The following NOL4 variants were observed in gnomAD, a reference collection of about 807,000 sequenced individuals.
NOL4 encodes nucleolar protein 4, also known as cancer/testis antigen 125.
Under a neutral mutation model 75.9 loss-of-function variants are expected in NOL4, and 17 were observed. The ratio of observed to expected loss-of-function variants is 0.22; its 90% CI spans 0.15 to 0.34. The LOEUF (loss-of-function observed/expected upper bound fraction) is 0.34, where lower values mean the gene tolerates loss of function less well. Ranked by LOEUF, NOL4 falls within the 10% of genes least tolerant of loss-of-function variation. NOL4 has a pLI of 1.00. For synonymous variants in NOL4, 292 were observed against 289.9 expected, an observed-to-expected ratio of 1.01 and a Z score of -0.07; for missense variants, 614 against 793.5, an observed-to-expected ratio of 0.77 and a Z score of 2.72.
chr18:33,991,313 C>T (rs1339600813), intron 6 of NOL4, among the ~76,000 whole-genome samples: 1 of 151,986 alleles, frequency 6.6e-6, no homozygotes, highest in African/African-American at 2.4e-5. Flanking sequence ...ATCCACCCAA[C>T]TGAAACTTTA....
intron 9 of NOL4, among the ~76,000 whole-genome samples, chr18:33,908,580 A>G (rs2066207125): frequency 6.6e-6 from 1 of 152,182 alleles, no homozygotes; most frequent in Non-Finnish European, 1.5e-5. Flanking sequence ...TAAAGTTTAT[A>G]GGTTATTATA....
chr18:34,114,137 T>G (rs1256744664), intron 2 of NOL4, among the ~76,000 whole-genome samples: 1 of 152,230 alleles, frequency 6.6e-6, no homozygotes, highest in Non-Finnish European at 1.5e-5. Context: ...ATAAATGTCA[T>G]AAATGTCTTG....
intron 1 of NOL4, among the ~76,000 whole-genome samples, chr18:34,194,043 A>G (rs1203012186): frequency 6.6e-6 from 1 of 152,122 alleles, no homozygotes. Flanking sequence ...AGAAGAAGAG[A>G]ATAGAATGGT....
intron 9 of NOL4, among the ~76,000 whole-genome samples, chr18:33,940,202 G>A (rs890624568): frequency 8.6e-5 from 13 of 151,958 alleles, no homozygotes; most frequent in African/African-American, 2.7e-4. Flanking sequence ...CCATTATTGG[G>A]TATATACCCA....
chr18:34,010,536 G>A lies in NOL4; in HGVS notation c.1056+8782C>T, dbSNP rs146657588. ...TATAACATACAATTTATAAAAATAC[G>A]ATTTATAACTAACCAGATTATTTAC... On this transcript the variant is annotated intron_variant, in intron 6 of 10. Coordinates refer to ENST00000261592, the MANE Select transcript of NOL4 (RefSeq NM_003787.5). 8.6e-3 allele frequency among the ~76,000 whole-genome samples: 1,307 copies of A among 151,914 alleles called. 18 individuals are homozygous for A. The highest frequency in any genetic ancestry group is 0.03 in the African/African-American group (1,228 of 41,478).
In NOL4 at chr18:34,125,256, G is replaced by A. The variant is rs2080333005; in HGVS notation, c.414+4615C>T. The stretch of plus-strand genomic sequence containing the variant: ...AGACTTCCTGGCATGAATCAAAAAG[G>A]TATGTAGATAAACCCCTATTTCAAT... On this transcript the variant is annotated intron_variant, in intron 2 of 10. Coordinates refer to ENST00000261592, the MANE Select transcript of NOL4 (RefSeq NM_003787.5). 3.3e-5 allele frequency among the ~76,000 whole-genome samples: 5 copies of A among 152,136 alleles called. No homozygotes were observed. In the South Asian group the frequency reaches 1.0e-3, roughly 31 times the overall value.
intron 5 of NOL4, among the ~76,000 whole-genome samples, chr18:34,070,512 C>A (rs2145246199): frequency 6.6e-6 from 1 of 152,186 alleles, no homozygotes; most frequent in South Asian, 2.1e-4. Flanking sequence ...AGAATGATGT[C>A]TGACTGCACA....
chr18:34,216,871 G>A (rs2036925530), intron 1 of NOL4, among the ~76,000 whole-genome samples: 1 of 151,792 alleles, frequency 6.6e-6, no homozygotes, highest in African/African-American at 2.4e-5. Flanking sequence ...TTATCTATTA[G>A]CAATTCATTA....
chr18:33,874,993 G>C (rs1298228054), intron 10 of NOL4, among the ~76,000 whole-genome samples: 2 of 152,008 alleles, frequency 1.3e-5, no homozygotes, highest in East Asian at 1.9e-4. Context: ...ACAAATGTTA[G>C]TGATTATGGT....
At chr18:34,222,185 G>C in intron 1 of NOL4, 1 of 1,470,348 alleles carries the variant, frequency 6.8e-7, no homozygotes, top group Middle Eastern at 2.1e-4. Flanking sequence ...CCAGTGCCTC[G>C]CGGCGCCTGG....
intron 9 of NOL4, among the ~76,000 whole-genome samples, chr18:33,921,766 T>C (rs2067054284): frequency 6.6e-6 from 1 of 152,186 alleles, no homozygotes; most frequent in Non-Finnish European, 1.5e-5. Flanking sequence ...ATCACTGAGT[T>C]TGTGGTACTT....
intron 1 of NOL4, among the ~76,000 whole-genome samples, chr18:34,137,447 A>T (rs1418254200): frequency 1.3e-5 from 2 of 152,204 alleles, no homozygotes; most frequent in African/African-American, 4.8e-5. Context: ...TAGAAAGTCA[A>T]ATAACCCAAT....
At chr18:34,105,690 A>G (rs1037331691) in intron 2 of NOL4, among the ~76,000 whole-genome samples, 1 of 151,996 alleles carries the variant, frequency 6.6e-6, no homozygotes, top group East Asian at 1.9e-4. Flanking sequence ...ACTGCAGTGA[A>G]TCATCCCTTC....
chr18:33,921,375 A>C (rs544138337), intron 9 of NOL4, among the ~76,000 whole-genome samples: 1 of 152,290 alleles, frequency 6.6e-6, no homozygotes, highest in South Asian at 2.1e-4. Flanking sequence ...TGAATTGTGG[A>C]GGGTGCAAAG....
intron 6 of NOL4, among the ~76,000 whole-genome samples, chr18:33,972,118 C>T (rs1411678169): frequency 6.7e-6 from 1 of 150,104 alleles, no homozygotes; most frequent in Non-Finnish European, 1.5e-5. Flanking sequence ...GAGCTGAGAT[C>T]ATGCCACTGC....
At chr18:34,024,511 T>C (rs1424957618) in intron 5 of NOL4, among the ~76,000 whole-genome samples, 1 of 151,952 alleles carries the variant, frequency 6.6e-6, no homozygotes, top group African/African-American at 2.4e-5. Context: ...TAAGTGCAAC[T>C]CTCCTTTACC....
intron 1 of NOL4, among the ~76,000 whole-genome samples, chr18:34,179,818 C>T (rs1395985223): frequency 6.6e-6 from 1 of 151,470 alleles, no homozygotes; most frequent in East Asian, 1.9e-4. Context: ...ATTAAATCTT[C>T]CAGTGATTTG....
intron 2 of NOL4, among the ~76,000 whole-genome samples, chr18:34,118,393 G>A (rs181768819): frequency 2.3e-3 from 353 of 152,012 alleles, no homozygotes; most frequent in African/African-American, 8.0e-3. Flanking sequence ...CAAACCCTCT[G>A]CAATATATGT....
intron 1 of NOL4, among the ~76,000 whole-genome samples, chr18:34,178,554 T>G (rs1374052423): frequency 6.6e-6 from 1 of 151,402 alleles, no homozygotes; most frequent in Non-Finnish European, 1.5e-5. Context: ...AGTGGAGAGG[T>G]TATAAAAATA....
Sources: allele counts gnomAD v4.1 joint callset (sites outside exome capture counted in the v4.1 genomes callset), GRCh38; gene constraint gnomAD v4.1.1; transcripts MANE v1.5; gene names NCBI Gene and HGNC (gene_info 2026-07-23, HGNC 2026-07-21).